Variants in FCRL4 observed in about 807,000 individuals in gnomAD.
FCRL4 encodes Fc receptor like 4.
A neutral mutation model predicts 64.1 loss-of-function variants in FCRL4; 43 were observed. The observed-to-expected ratio is 0.67, with a 90% CI of 0.53 to 0.87. The LOEUF (loss-of-function observed/expected upper bound fraction) is 0.87, where lower values mean the gene tolerates loss of function less well. Ranked by LOEUF, FCRL4 falls within the 40% of genes least tolerant of loss-of-function variation. The pLI, the probability that FCRL4 is intolerant of heterozygous loss-of-function variation, is 0.00. For missense variants in FCRL4, 656 were observed against 613.5 expected (o/e 1.07, Z -0.73); for synonymous variants, 253 against 239.8 (o/e 1.05, Z -0.51).
Position 157,581,480 on chromosome 1 carries a change from G to A in FCRL4, c.1249+51C>T, listed in dbSNP as rs758045255. On this transcript the variant is annotated intron_variant, in intron 7 of 11. Coordinates refer to ENST00000271532, the MANE Select transcript of FCRL4 (RefSeq NM_031282.3). ...GCCACTAAGGCTGTCTGCATGCTGA[G>A]TTCAGGGGAAGGAACAGGGCAGGAA... 10 of 1,514,246 alleles carry A rather than the reference G, an allele frequency of 6.6e-6. No homozygotes were observed. The Admixed American group carries it at 1.3e-4, about 20-fold the overall frequency. The allele number at this position is 1,514,246 out of a possible 1,614,324, so 93.8% of individuals were successfully genotyped here. A position where few individuals can be genotyped will look rare whatever the true frequency, so the allele number is the denominator to read the frequency against.
chr1:157,596,311 A>G lies in FCRL4; in HGVS notation c.52+17T>C. 6.2e-7 allele frequency: 1 copy of G among 1,613,558 alleles called. No homozygotes were observed. Among genetic ancestry groups the G allele is most frequent in the Non-Finnish European group, 8.5e-7 (1 of 1,179,530 alleles). On this transcript the variant is annotated intron_variant, in intron 2 of 11. Transcript: ENST00000271532. ...GGTATCTAGAGACATAAAGGAGCAA[A>G]GAAAATAAGGACTTACCAGATTGTC...
At chr1:157,584,058 C>T (rs1652620028) in intron 6 of FCRL4, among the ~76,000 whole-genome samples, 1 of 152,190 alleles carries the variant, frequency 6.6e-6, no homozygotes, top group South Asian at 2.1e-4. Context: ...TTCTGATGAT[C>T]TTAACCCCCA....
At chr1:157,581,489 A>G (rs1571136911) in intron 7 of FCRL4, 42 bp downstream of exon 7, 5 of 1,548,440 alleles carry the variant, frequency 3.2e-6, no homozygotes, top group Non-Finnish European at 4.5e-6. Context: ...AGTTCAGGGG[A>G]AGGAACAGGG....
chr1:157,578,885 G>C (rs781745404), intron 8 of FCRL4, 33 bp from the exon 9 acceptor site: 1 of 1,551,720 alleles, frequency 6.4e-7, no homozygotes, highest in South Asian at 1.2e-5. Context: ...ATAATCCCTG[G>C]AACACTGTAA....
At position 157,587,385 on chromosome 1, in the gene FCRL4, G is replaced by A; in HGVS notation, c.738C>T (p.Leu246=). ...ILSDWSTYPE[L]QLPTVWRENS... is the part of the protein sequence containing the mutation. ...TTTCTCTCCAGACGGTTGGGAGCTG[G>A]AGTTCCGGGTACGTGCTCCAGTCTG... Residue 246 remains leucine (L), a synonymous_variant, in exon 5 of 12, where the codon CTC becomes CTT. Coordinates refer to ENST00000271532, the MANE Select transcript of FCRL4 (RefSeq NM_031282.3). The A allele has an allele frequency of 6.2e-7, 1 of 1,614,216 alleles. No homozygotes were observed. Among genetic ancestry groups the A allele is most frequent in the Non-Finnish European group, 8.5e-7 (1 of 1,180,028 alleles).
At chr1:157,589,148 G>A in intron 3 of FCRL4, 56 bp downstream of exon 3, 2 of 1,577,154 alleles carry the variant, frequency 1.3e-6, no homozygotes, top group South Asian at 2.3e-5. Context: ...TCTCCAGGGA[G>A]CTAAGATAAA....
At chr1:157,585,940 T>C (rs2101681377) in intron 6 of FCRL4, among the ~76,000 whole-genome samples, 1 of 152,092 alleles carries the variant, frequency 6.6e-6, no homozygotes, top group Admixed American at 6.5e-5. Context: ...ACAAACAAAA[T>C]CACCTCCAAA....
chr1:157,584,757 C>T (rs1304262914), intron 6 of FCRL4, among the ~76,000 whole-genome samples: 1 of 152,114 alleles, frequency 6.6e-6, no homozygotes, highest in East Asian at 1.9e-4. Flanking sequence ...ATTCGCATAG[C>T]AACCCCTTGC....
rs1332988985 is a variant in FCRL4 at position 157,575,743 on chromosome 1, A to G, written c.1430-13T>C. 3.1e-6 allele frequency: 5 copies of G among 1,613,362 alleles called. No individual in the cohort carries two copies. Among genetic ancestry groups the G allele is most frequent in the South Asian group, 1.1e-5 (1 of 91,062 alleles). On this transcript the variant is annotated splice_polypyrimidine_tract_variant and intron_variant, in intron 10 of 11. Coordinates refer to ENST00000271532, the MANE Select transcript of FCRL4 (RefSeq NM_031282.3). ...CTGGAGGTATTAGCTGTGGACAGAA[A>G]GAGAATCACTGGACTATGGGCATAA...
At chr1:157,586,983 T>C in intron 5 of FCRL4, among the ~76,000 whole-genome samples, 1 of 152,222 alleles carries the variant, frequency 6.6e-6, no homozygotes, top group East Asian at 1.9e-4. Flanking sequence ...GCCAAATCCC[T>C]AGCAGGGCAC....
At chr1:157,577,425 A>G (rs910336023) in intron 10 of FCRL4, among the ~76,000 whole-genome samples, 11 of 152,252 alleles carry the variant, frequency 7.2e-5, no homozygotes, top group African/African-American at 2.7e-4. Flanking sequence ...TAGAACTTCA[A>G]GAAACAATTC....
At position 157,589,220 on chromosome 1, in the gene FCRL4, G is replaced by A. The variant is rs1236304593; in HGVS notation, c.291C>T (p.Arg97=). Residue 97 remains arginine (R), a synonymous_variant, in exon 3 of 12, where the codon CGC becomes CGT. Coordinates refer to ENST00000271532, the MANE Select transcript of FCRL4 (RefSeq NM_031282.3). ...ARGSPRSNPV[R]LLFSSDSLIL... ...CTTTCTCACCTGAAGAAAAGAGCAA[G>A]CGCACAGGGTTACTTCGTGGGGAGC... The A allele has an allele frequency of 1.9e-6, 3 of 1,613,510 alleles. No homozygotes were observed. The highest frequency in any genetic ancestry group is 1.6e-4 in the Middle Eastern group (1 of 6,082).
intron 10 of FCRL4, among the ~76,000 whole-genome samples, chr1:157,575,963 A>G (rs1186299936): frequency 6.6e-6 from 1 of 152,162 alleles, no homozygotes; most frequent in Admixed American, 6.6e-5. Context: ...CTCCATCAAT[A>G]CCACACTAAG....
intron 1 of FCRL4, 137 bp from the exon 2 acceptor site, chr1:157,596,485 C>G: frequency 1.0e-6 from 1 of 983,630 alleles, no homozygotes. Flanking sequence ...CCCAGGGAAG[C>G]GGGGAAACAC....
intron 2 of FCRL4, among the ~76,000 whole-genome samples, chr1:157,592,398 A>G (rs1244222220): frequency 6.6e-6 from 1 of 152,226 alleles, no homozygotes; most frequent in Non-Finnish European, 1.5e-5. Flanking sequence ...TTTACAAGAA[A>G]AAAAAACCCA....
intron 8 of FCRL4, 98 bp from the exon 9 acceptor site, chr1:157,578,950 A>T: frequency 1.0e-6 from 1 of 986,988 alleles, no homozygotes; most frequent in Non-Finnish European, 1.5e-6. Flanking sequence ...GAGGATTTGG[A>T]GAAAGTCAGC....
At chr1:157,588,634 A>G (rs1018289898) in intron 3 of FCRL4, among the ~76,000 whole-genome samples, 1 of 152,198 alleles carries the variant, frequency 6.6e-6, no homozygotes, top group East Asian at 1.9e-4. Context: ...GAGGTTAGCT[A>G]TATCTCTTCT....
intron 2 of FCRL4, among the ~76,000 whole-genome samples, chr1:157,593,939 T>C (rs1652898736): frequency 6.6e-6 from 1 of 152,236 alleles, no homozygotes; most frequent in African/African-American, 2.4e-5. Context: ...AGATAAGTGC[T>C]TTGGTAGGCT....
chr1:157,586,095 T>C, intron 6 of FCRL4, 73 bp downstream of exon 6: 1 of 1,407,968 alleles, frequency 7.1e-7, no homozygotes, highest in Non-Finnish European at 9.7e-7. Context: ...CACAGGGTAA[T>C]GTTAGCTATC....
Sources: gnomAD v4.1 joint callset for allele counts (sites outside exome capture counted in the v4.1 genomes callset) on GRCh38, gnomAD v4.1.1 for gene constraint, MANE v1.5 for transcripts, NCBI Gene and HGNC (gene_info 2026-07-23, HGNC 2026-07-21) for gene names.